NEB: variants seen among roughly 807,000 people sequenced by gnomAD.
NEB encodes nemaline myopathy type 2.
NEB carries 512 observed loss-of-function variants against 952.2 expected under a neutral mutation model. That is an observed-to-expected ratio of 0.54 (90% confidence interval 0.50 to 0.58). The LOEUF is 0.58. Among genes scored for constraint, NEB ranks in the 20% least tolerant of loss-of-function variants. The probability of loss-of-function intolerance (pLI) is 0.00; values close to 1 mark genes in which losing one functional copy is unlikely to be tolerated. For missense variants in NEB, 8,428 were observed against 9,231.1 expected, an observed-to-expected ratio of 0.91 and a Z score of 3.56; for synonymous variants, 2,900 against 3,149.8, an observed-to-expected ratio of 0.92 and a Z score of 2.66.
rs368108960 is a variant in NEB, at chr2:151,641,738, TAAAG to T, written c.8373+832_8373+835del. Among the ~76,000 whole-genome samples, 607 of 152,202 alleles carry T rather than the reference TAAAG, an allele frequency of 4.0e-3. 3 individuals are homozygous for T. Among genetic ancestry groups the T allele is most frequent in the African/African-American group, 0.014 (576 of 41,538 alleles). On this transcript the variant is annotated intron_variant, in intron 60 of 181. Coordinates refer to ENST00000397345, the MANE Select transcript of NEB (RefSeq NM_001164508.2). Reference sequence around the variant, plus strand: ...ATGATTACTTCCCATATTTTGGAAATAAAGAAAAAAATCTAGAGTTTTTTTTATT... The same window carrying T: ...ATGATTACTTCCCATATTTTGGAAATAAAAAAATCTAGAGTTTTTTTTATT...
chr2:151,682,748 T>C lies in NEB; in HGVS notation c.2857A>G (p.Asn953Asp), dbSNP rs2099429853. The C allele has an allele frequency of 1.2e-6, 2 of 1,613,298 alleles. No individual in the cohort carries two copies. Among genetic ancestry groups the C allele is most frequent in the Non-Finnish European group, 1.7e-6 (2 of 1,179,476 alleles). Residue 953 changes from asparagine (N) to aspartate (D), a missense_variant, in exon 29 of 182, where the codon AAT (asparagine) becomes GAT (aspartate). By Grantham distance (23) the Asn-to-Asp change is conservative. Around this residue, in one of 11 missense-constraint regions of NEB, gnomAD observed 2,851 missense variants for 2,791.5 expected, o/e 1.02. Transcript: ENST00000397345. Reference protein sequence around the residue: ...QSDVEYKADYNSWMKGCGWVP... With the variant: ...QSDVEYKADYDSWMKGCGWVP... Reference sequence around the variant, plus strand: ...CAGCCACAACCTTTCATCCAGCTATTGTAGTCAGCTTTGTATTCAACCTAA... The same window carrying C: ...CAGCCACAACCTTTCATCCAGCTATCGTAGTCAGCTTTGTATTCAACCTAA...
chr2:151,644,135 GA>G lies in NEB; in HGVS notation c.7645-7del. 1.9e-6 allele frequency: 3 copies of G among 1,606,264 alleles called. No individual in the cohort carries two copies. Among genetic ancestry groups the G allele is most frequent in the South Asian group, 1.1e-5 (1 of 90,520 alleles). On this transcript the variant is annotated splice_polypyrimidine_tract_variant and splice_region_variant and intron_variant, in intron 56 of 181. Transcript: ENST00000397345. ...AAGCCTTCCTTGTACTTGTACTAGA[GA>G]AAAAAAATGTGTCTCATTCCTTTCA...
At chr2:151,656,847 G>GAAA (rs34784156) in intron 48 of NEB, among the ~76,000 whole-genome samples, 9 of 146,608 alleles carry the variant, frequency 6.1e-5, no homozygotes, top group Admixed American at 3.4e-4. Flanking sequence ...CACAGAAGAT[G>GAAA]AAAAAAAAAA....
chr2:151,727,596 A>C (rs1383379887), intron 5 of NEB, 95 bp downstream of exon 5: 1 of 1,268,184 alleles, frequency 7.9e-7, no homozygotes, highest in Non-Finnish European at 1.1e-6. Context: ...TACAGGTTTG[A>C]GAAACAAATC....
chr2:151,640,415 T>A lies in NEB; in HGVS notation c.8625A>T (p.Thr2875=). ...VDYKNYLHQW[T]CLPDQSDVIH... ...TGACGTCGCTCTGGTCGGGCAGGCA[T>A]GTCCACTGGTGCAGGTAGTTCTTGT... Residue 2875 remains threonine (T), a synonymous_variant, in exon 61 of 182, where the codon ACA becomes ACT. Transcript: ENST00000397345. The A allele has an allele frequency of 6.2e-7, 1 of 1,613,962 alleles. No individual in the cohort carries two copies. The highest frequency in any genetic ancestry group is 8.5e-7 in the Non-Finnish European group (1 of 1,179,866).
In NEB at chr2:151,534,323, C is replaced by G; in HGVS notation, c.21313-777G>C. 6.2e-7 allele frequency: 1 copy of G among 1,610,846 alleles called. No homozygotes were observed. The highest frequency in any genetic ancestry group is 8.5e-7 in the Non-Finnish European group (1 of 1,177,892). On this transcript the variant is annotated intron_variant, in intron 142 of 181. Transcript: ENST00000397345. ...CATAATCAGCTCTGTATTTTTTCTGCTCAAACATCATAGCATATTATAGCA... is the reference window on the plus strand; with the variant it reads ...CATAATCAGCTCTGTATTTTTTCTGGTCAAACATCATAGCATATTATAGCA...
In NEB at chr2:151,642,663, G is replaced by A. The variant is rs773525367; in HGVS notation, c.8284C>T (p.Leu2762=). ...TAACCTTTCCTCTTGGCTTCTTCTAGGCCAAGCTTATACAATTTCTAAAAT... is the reference window on the plus strand; with the variant it reads ...TAACCTTTCCTCTTGGCTTCTTCTAAGCCAAGCTTATACAATTTCTAAAAT... The part of the protein sequence containing the change: ...NYSEKLYKLG[L]EEAKRKGYDM... Residue 2762 remains leucine (L), a synonymous_variant, in exon 60 of 182, where the codon CTA becomes TTA. Coordinates refer to ENST00000397345, the MANE Select transcript of NEB (RefSeq NM_001164508.2). 6.2e-7 allele frequency: 1 copy of A among 1,613,736 alleles called. No homozygotes were observed.
intron 67 of NEB, among the ~76,000 whole-genome samples, 186 bp downstream of exon 67, chr2:151,630,529 T>C (rs1002516041): frequency 3.3e-5 from 5 of 152,170 alleles, no homozygotes; most frequent in African/African-American, 9.7e-5. Context: ...AGAAAAGACA[T>C]TGTGACTTCA....
chr2:151,723,568 T>C (rs1304411844), intron 8 of NEB, 82 bp from the exon 9 acceptor site: 4 of 1,032,702 alleles, frequency 3.9e-6, no homozygotes, highest in Admixed American at 4.1e-5. Flanking sequence ...CATCCATTAA[T>C]AACCTAAAGA....
At position 151,669,012 on chromosome 2, in the gene NEB, G is replaced by A. The variant is rs1412778500; in HGVS notation, c.4611+15C>T. The A allele has an allele frequency of 6.5e-7, 1 of 1,547,390 alleles. No individual in the cohort carries two copies. Among genetic ancestry groups the A allele is most frequent in the Non-Finnish European group, 8.8e-7 (1 of 1,133,162 alleles). On this transcript the variant is annotated intron_variant, in intron 39 of 181. Transcript: ENST00000397345. The stretch of plus-strand genomic sequence containing the variant: ...GGCCCGCATACGCAATATTAGCACT[G>A]GGCCAAATACTCACATCACTCATGT...
At chr2:151,660,869 T>G (rs2099138977) in intron 46 of NEB, among the ~76,000 whole-genome samples, 1 of 152,180 alleles carries the variant, frequency 6.6e-6, no homozygotes, top group Admixed American at 6.5e-5. Context: ...TCCAATATGG[T>G]AGAACCTAGC....
Position 151,678,061 on chromosome 2 carries a change from T to G in NEB, c.3382A>C (p.Lys1128Gln), listed in dbSNP as rs1231521376. Residue 1128 changes from lysine to glutamine, a missense_variant, in exon 33 of 182, where the codon AAA becomes CAA. Lys to Gln is a moderately conservative substitution (Grantham distance 53, BLOSUM62 1). This residue lies in a region of NEB where 2,851 missense variants were observed against 2,791.5 expected (regional missense o/e 1.02). Coordinates refer to ENST00000397345, the MANE Select transcript of NEB (RefSeq NM_001164508.2). ...AKIQSDREYKKDYEKTKSKYN... is the reference protein window; with the variant it reads ...AKIQSDREYKQDYEKTKSKYN... ...TTGGACTTTGTCTTCTCATAGTCTTTTTTATACTCCCGATCTGATTGTATC... is the reference window on the plus strand; with the variant it reads ...TTGGACTTTGTCTTCTCATAGTCTTGTTTATACTCCCGATCTGATTGTATC... 1.2e-6 allele frequency: 2 copies of G among 1,613,868 alleles called. No homozygotes were observed. The highest frequency in any genetic ancestry group is 2.7e-5 in the African/African-American group (2 of 74,930).
intron 153 of NEB, 135 bp downstream of exon 153, chr2:151,524,176 A>G (rs2083906517): frequency 5.5e-6 from 4 of 724,660 alleles, no homozygotes; most frequent in African/African-American, 3.5e-5. Context: ...TGCACTTTTT[A>G]TAACTCTTGG....
chr2:151,648,962 C>T (rs2154130893), intron 54 of NEB, among the ~76,000 whole-genome samples: 1 of 152,280 alleles, frequency 6.6e-6, no homozygotes, highest in Non-Finnish European at 1.5e-5. Flanking sequence ...CTCCATGTTT[C>T]AGCATTCCCC....
intron 51 of NEB, among the ~76,000 whole-genome samples, chr2:151,654,745 G>C (rs2099069257): frequency 6.6e-6 from 1 of 152,196 alleles, no homozygotes; most frequent in African/African-American, 2.4e-5. Context: ...TTTTAGGGAT[G>C]AGGAAAGTGA....
At position 151,629,643 on chromosome 2, in the gene NEB, G is replaced by C. The variant is rs775122898; in HGVS notation, c.9727C>G (p.Leu3243Val). Residue 3243 changes from leucine (L) to valine (V), a missense_variant, in exon 68 of 182, where the codon CTA (leucine) becomes GTA (valine). By Grantham distance (32) the Leu-to-Val change is conservative. This residue lies in a region of NEB where 1,772 missense variants were observed against 1,960.3 expected (regional missense o/e 0.90). Transcript: ENST00000397345. ...RQNKINYSETLYKLANEEAKK... is the reference protein window; with the variant it reads ...RQNKINYSETVYKLANEEAKK... ...GCTTCTTCATTGGCAAGTTTGTATAGAGTCTATGAAAAGAAAGGCAAAGAG... is the reference window on the plus strand; with the variant it reads ...GCTTCTTCATTGGCAAGTTTGTATACAGTCTATGAAAAGAAAGGCAAAGAG... 1.2e-6 allele frequency: 2 copies of C among 1,612,810 alleles called. No individual in the cohort carries two copies. Among genetic ancestry groups the C allele is most frequent in the East Asian group, 2.2e-5 (1 of 44,830 alleles).
At position 151,498,369 on chromosome 2, in the gene NEB, C is replaced by A; in HGVS notation, c.24115-17G>T. 1 of 1,510,100 alleles carries A rather than the reference C, an allele frequency of 6.6e-7. No individual in the cohort carries two copies. Among genetic ancestry groups the A allele is most frequent in the African/African-American group, 1.4e-5 (1 of 71,776 alleles). 93.5% of individuals were successfully genotyped at this position (1,510,100 alleles called of 1,614,324 possible). A position where few individuals can be genotyped will look rare whatever the true frequency, so the allele number is the denominator to read the frequency against. On this transcript the variant is annotated splice_polypyrimidine_tract_variant and intron_variant, in intron 169 of 181. Coordinates refer to ENST00000397345, the MANE Select transcript of NEB (RefSeq NM_001164508.2). Reference sequence around the variant, plus strand: ...GTATAGCACCTGTATGATGAGAAAGCATCCAGAACAAAAAAAGCAATCAAT... The same window carrying A: ...GTATAGCACCTGTATGATGAGAAAGAATCCAGAACAAAAAAAGCAATCAAT...
At chr2:151,615,361 G>A (rs970589182) in intron 76 of NEB, among the ~76,000 whole-genome samples, 4 of 152,180 alleles carry the variant, frequency 2.6e-5, no homozygotes, top group Admixed American at 1.3e-4. Flanking sequence ...GAGTCCTAAG[G>A]AGGCTTGTTA....
chr2:151,642,863 A>G lies in NEB; in HGVS notation c.8167T>C (p.Tyr2723His). 1 of 1,602,640 alleles carries G rather than the reference A, an allele frequency of 6.2e-7. No individual in the cohort carries two copies. Among genetic ancestry groups the G allele is most frequent in the Non-Finnish European group, 8.5e-7 (1 of 1,172,520 alleles). Residue 2723 changes from tyrosine to histidine, a missense_variant, in exon 59 of 182, where the codon TAT (tyrosine) becomes CAT (histidine). This residue lies in a region of NEB where 1,772 missense variants were observed against 1,960.3 expected (regional missense o/e 0.90). Transcript: ENST00000397345. ...NNAITMNHRL[Y>H]TEAWDKDKTT... ...TTATCTTTATCCCAAGCTTCTGTAT[A>G]GAGGCGCTAAGAGAAACAGAAAAAC...
Sources: gnomAD v4.1 joint callset for allele counts (sites outside exome capture counted in the v4.1 genomes callset) on GRCh38, gnomAD v4.1.1 for gene constraint, gnomAD v4.1.1 regional missense constraint, MANE v1.5 for transcripts, NCBI Gene and HGNC (gene_info 2026-07-23, HGNC 2026-07-21) for gene names.